The following PTGIR variants were observed in gnomAD, a reference collection of about 807,000 sequenced individuals.
PTGIR encodes the protein prostacyclin receptor.
A neutral mutation model predicts 17.6 loss-of-function variants in PTGIR; 16 were observed. The observed-to-expected ratio is 0.91, with a 90% confidence interval of 0.61 to 1.38. PTGIR has a LOEUF of 1.38. Ranked by LOEUF, PTGIR falls within the 40% of genes most tolerant of loss-of-function variation. The pLI, the probability that PTGIR is intolerant of heterozygous loss-of-function variation, is 0.00. For synonymous variants in PTGIR, 274 were observed against 255.4 expected, an observed-to-expected ratio of 1.07 and a Z score of -0.69; for missense variants, 532 against 548.6, an observed-to-expected ratio of 0.97 and a Z score of 0.30.
In PTGIR at chr19:46,621,106, T is replaced by C; in HGVS notation, c.*174A>G. 7.7e-7 allele frequency: 1 copy of C among 1,305,396 alleles called. No homozygotes were observed. Among genetic ancestry groups the C allele is most frequent in the Non-Finnish European group, 9.7e-7 (1 of 1,027,556 alleles). 80.9% of individuals were successfully genotyped at this position (1,305,396 alleles called of 1,614,324 possible). A position where few individuals can be genotyped will look rare whatever the true frequency, so the allele number is the denominator to read the frequency against. On this transcript the variant is annotated 3_prime_UTR_variant, in exon 3 of 3. Transcript: ENST00000291294. The surrounding 1 kb of genome is among the most constrained non-coding windows in gnomAD (Gnocchi z 4.8). ...CCAGGATAAACGTTTCCTCTGTCCC[T>C]CACTCTCTTCCCAGAGCCAGCAGCG...
In PTGIR at chr19:46,621,865, T is replaced by A; in HGVS notation, c.769-193A>T. On this transcript the variant is annotated intron_variant, in intron 2 of 2. Coordinates refer to ENST00000291294, the MANE Select transcript of PTGIR (RefSeq NM_000960.4). The surrounding 1 kb of genome is among the most constrained non-coding windows in gnomAD (Gnocchi z 4.8). Reference sequence around the variant, plus strand: ...GAAAGCCCCAGGAAATTGCCAGAGATGCCTAAGGGGAGAGGGATGGGGGCC... The same window carrying A: ...GAAAGCCCCAGGAAATTGCCAGAGAAGCCTAAGGGGAGAGGGATGGGGGCC... 4 of 1,371,266 alleles carry A rather than the reference T, an allele frequency of 2.9e-6. No individual in the cohort carries two copies. Among genetic ancestry groups the A allele is most frequent in the Non-Finnish European group, 3.8e-6 (4 of 1,065,612 alleles). The allele number at this position is 1,371,266 out of a possible 1,614,324, so 84.9% of individuals were successfully genotyped here.
chr19:46,619,718 G>A (rs1972032004), downstream of PTGIR, among the ~76,000 whole-genome samples: 2 of 152,284 alleles, frequency 1.3e-5, no homozygotes, highest in South Asian at 2.1e-4. Context: ...GGGAGGAAGC[G>A]CTGCCTACCC....
Position 46,623,959 on chromosome 19 carries a change from G to T in PTGIR, c.267C>A (p.Pro89=), listed in dbSNP as rs199616693. The change falls in exon 2 of 3, where the codon CCC becomes CCA. Residue 89 remains proline (P), a synonymous_variant. Transcript: ENST00000291294. The part of the protein sequence containing the change: ...SSLLGLARGG[P]ALCDAFAFAM... The stretch of plus-strand genomic sequence containing the variant: ...CGAAGGCGAAGGCATCGCACAGGGC[G>T]GGGCCGCCTCGGGCCAGGCCCAGCA... 331 of 1,584,400 alleles carry T rather than the reference G, an allele frequency of 2.1e-4. No individual in the cohort carries two copies. The highest frequency in any genetic ancestry group is 5.8e-5 in the Non-Finnish European group (68 of 1,164,628).
chr19:46,623,902 G>T lies in PTGIR; in HGVS notation c.324C>A (p.Leu108=), dbSNP rs769947046. 3.1e-6 allele frequency: 5 copies of T among 1,609,468 alleles called. No homozygotes were observed. The Middle Eastern group carries it at 5.0e-4, about 160-fold the overall frequency. The change falls in exon 2 of 3, where the codon CTC becomes CTA. Residue 108 remains leucine, a synonymous_variant. Coordinates refer to ENST00000291294, the MANE Select transcript of PTGIR (RefSeq NM_000960.4). Reference sequence around the variant, plus strand: ...GCTCCACGGCCATGGCAAAGAGGATGAGCATGGACGCCAGGCCGAAGAAGG... The same window carrying T: ...GCTCCACGGCCATGGCAAAGAGGATTAGCATGGACGCCAGGCCGAAGAAGG... The part of the protein sequence containing the change: ...AMTFFGLASM[L]ILFAMAVERC...
downstream of PTGIR, among the ~76,000 whole-genome samples, chr19:46,616,326 C>CTTTTTTT (rs1021116711): frequency 1.1e-4 from 7 of 66,574 alleles, 2 homozygotes; most frequent in African/African-American, 2.9e-4. Flanking sequence ...GACAGAAATG[C>CTTTTTTT]TTTTTTTTTT....
chr19:46,617,453 GCAAA>G (rs989714365), downstream of PTGIR, among the ~76,000 whole-genome samples: 4 of 152,214 alleles, frequency 2.6e-5, no homozygotes, highest in Non-Finnish European at 5.9e-5. Context: ...GGGGTCTGCA[GCAAA>G]CAGTGAGATG....
rs2229128 is a variant in PTGIR, at chr19:46,624,067, C to G, written c.159G>C (p.Val53=). The G allele has an allele frequency of 0.26, 406,124 of 1,539,600 alleles. 54,987 individuals carry two copies. Among genetic ancestry groups the G allele is most frequent in the East Asian group, 0.3 (12,344 of 41,124 alleles). Residue 53 remains valine, a synonymous_variant, in exon 2 of 3, where the codon GTG becomes GTC. Coordinates refer to ENST00000291294, the MANE Select transcript of PTGIR (RefSeq NM_000960.4). ...GCAGGTCGGTGGCCGCCAGTCCGGTCACCAGCACCGCGAAGGCCGAGGGGC... is the reference window on the plus strand; with the variant it reads ...GCAGGTCGGTGGCCGCCAGTCCGGTGACCAGCACCGCGAAGGCCGAGGGGC... ...PARPSAFAVL[V]TGLAATDLLG...
At chr19:46,612,957 C>A in the PTGIR span, among the ~76,000 whole-genome samples, 1 of 148,084 alleles carries the variant, frequency 6.8e-6, no homozygotes, top group Admixed American at 6.8e-5. Context: ...TACAAGTCTG[C>A]AAAATGGCAA....
At chr19:46,613,888 G>A in the PTGIR span, among the ~76,000 whole-genome samples, 1 of 152,154 alleles carries the variant, frequency 6.6e-6, no homozygotes, top group Non-Finnish European at 1.5e-5. Context: ...ACCGCATCCC[G>A]GTACCCATGC....
At position 46,621,488 on chromosome 19, in the gene PTGIR, T is replaced by C; in HGVS notation, c.953A>G (p.Asp318Gly). 6.2e-7 allele frequency: 1 copy of C among 1,613,928 alleles called. No homozygotes were observed. Among genetic ancestry groups the C allele is most frequent in the Non-Finnish European group, 8.5e-7 (1 of 1,179,984 alleles). ...CCLCLGPAHG[D>G]SQTPLSQLAS... is the part of the protein sequence containing the mutation. ...GAGCTGGGAAAGGGGTGTCTGCGAG[T>C]CTCCGTGGGCAGGCCCGAGGCACAG... Residue 318 changes from aspartate to glycine, a missense_variant, in exon 3 of 3, where the codon GAC (aspartate) becomes GGC (glycine). By Grantham distance (94) the Asp-to-Gly change is moderately conservative. Coordinates refer to ENST00000291294, the MANE Select transcript of PTGIR (RefSeq NM_000960.4). This position sits in a 1 kb window ranked among gnomAD's most constrained non-coding sequence, Gnocchi z 4.8.
intron 2 of PTGIR, chr19:46,622,426 C>CA: frequency 1.0e-6 from 1 of 980,314 alleles, no homozygotes; most frequent in Non-Finnish European, 1.2e-6. Context: ...GGTTTCCTGC[C>CA]AAATACTGTG....
the PTGIR span, among the ~76,000 whole-genome samples, chr19:46,611,814 G>T: frequency 3.9e-5 from 6 of 152,384 alleles, no homozygotes; most frequent in East Asian, 7.7e-4. Flanking sequence ...GGGGAATGGG[G>T]AATGAGAGGT....
Position 46,621,046 on chromosome 19 carries a change from A to G in PTGIR, c.*234T>C, listed in dbSNP as rs2052720671. 3.3e-6 allele frequency: 4 copies of G among 1,227,686 alleles called. No homozygotes were observed. The highest frequency in any genetic ancestry group is 4.1e-6 in the Non-Finnish European group (4 of 984,616). The allele number at this position is 1,227,686 out of a possible 1,614,324, so 76.0% of individuals were successfully genotyped here. ...AGGGCCAGAGCAGGTCGGCCAGGCC[A>G]CTGGTTATTTTGAGAGAACCATTCT... On this transcript the variant is annotated 3_prime_UTR_variant, in exon 3 of 3. Transcript: ENST00000291294. The surrounding 1 kb of genome is among the most constrained non-coding windows in gnomAD (Gnocchi z 4.8).
At chr19:46,624,354 C>G (rs533305493) in intron 1 of PTGIR, 117 bp from the exon 2 acceptor site, 3 of 951,760 alleles carry the variant, frequency 3.2e-6, no homozygotes, top group Admixed American at 7.0e-5. Flanking sequence ...CAGCCAACCC[C>G]CAGTTCTCCT....
chr19:46,618,970 A>G (rs1197806613), downstream of PTGIR, among the ~76,000 whole-genome samples: 1 of 152,232 alleles, frequency 6.6e-6, no homozygotes, highest in East Asian at 1.9e-4. Flanking sequence ...AATGGCAATC[A>G]TAGTGACATT....
chr19:46,612,572 C>G, the PTGIR span, among the ~76,000 whole-genome samples: 1 of 152,172 alleles, frequency 6.6e-6, no homozygotes, highest in Admixed American at 6.5e-5. Context: ...AGTGACACAG[C>G]CGGAATCTGA....
chr19:46,621,841 A>C lies in PTGIR; in HGVS notation c.769-169T>G. ...ATGTATCTGGGGAACACAGGGAGAGAAAGCCCCAGGAAATTGCCAGAGATG... is the reference window on the plus strand; with the variant it reads ...ATGTATCTGGGGAACACAGGGAGAGCAAGCCCCAGGAAATTGCCAGAGATG... On this transcript the variant is annotated intron_variant, in intron 2 of 2. Coordinates refer to ENST00000291294, the MANE Select transcript of PTGIR (RefSeq NM_000960.4). The surrounding 1 kb of genome is among the most constrained non-coding windows in gnomAD (Gnocchi z 4.8). 7.2e-7 allele frequency: 1 copy of C among 1,390,334 alleles called. No homozygotes were observed. The highest frequency in any genetic ancestry group is 9.3e-7 in the Non-Finnish European group (1 of 1,075,088). The allele number at this position is 1,390,334 out of a possible 1,614,324, so 86.1% of individuals were successfully genotyped here.
At position 46,621,894 on chromosome 19, in the gene PTGIR, T is replaced by A. The variant is rs957191369; in HGVS notation, c.769-222A>T. On this transcript the variant is annotated intron_variant, in intron 2 of 2. Transcript: ENST00000291294. This position sits in a 1 kb window ranked among gnomAD's most constrained non-coding sequence, Gnocchi z 4.8. ...TAAGGGGAGAGGGATGGGGGCCAGG[T>A]ATGTGGGTCCCCCCACCCTTGGAAG... 2.3e-6 allele frequency: 3 copies of A among 1,328,542 alleles called. No individual in the cohort carries two copies. In the African/African-American group the frequency reaches 4.5e-5, roughly 20 times the overall value. 82.3% of individuals were successfully genotyped at this position (1,328,542 alleles called of 1,614,324 possible). A position where few individuals can be genotyped will look rare whatever the true frequency, so the allele number is the denominator to read the frequency against.
chr19:46,623,424 C>G, intron 2 of PTGIR, 34 bp downstream of exon 2: 2 of 1,490,212 alleles, frequency 1.3e-6, no homozygotes, highest in Non-Finnish European at 1.8e-6. Context: ...CCCTCCTCCT[C>G]TCCCCACTCC....
Sources: gnomAD v4.1 joint callset for allele counts (sites outside exome capture counted in the v4.1 genomes callset) on GRCh38, gnomAD v4.1.1 for gene constraint, Gnocchi (gnomAD v3.1) non-coding constraint, MANE v1.5 for transcripts, NCBI Gene and HGNC (gene_info 2026-07-23, HGNC 2026-07-21) for gene names.